The following CSMD1 variants were observed in gnomAD, a reference collection of about 807,000 sequenced individuals.
CSMD1 encodes CUB and Sushi multiple domains 1.
CSMD1 carries 213 observed loss-of-function variants against 417.5 expected under a neutral mutation model. The observed-to-expected ratio is 0.51, with a 90% CI of 0.46 to 0.57. The LOEUF (loss-of-function observed/expected upper bound fraction) is 0.57. Among genes scored for constraint, CSMD1 ranks in the 20% least tolerant of loss-of-function variants. The pLI is 0.00. For synonymous variants in CSMD1, 2,862 were observed against 1,736.8 expected, an observed-to-expected ratio of 1.65 and a Z score of -16.11; for missense variants, 6,923 against 4,529.7, an observed-to-expected ratio of 1.53 and a Z score of -15.17.
At chr8:4,671,797 C>A (rs904801154) in intron 1 of CSMD1, among the ~76,000 whole-genome samples, 2 of 152,134 alleles carry the variant, frequency 1.3e-5, no homozygotes, top group African/African-American at 4.8e-5. Context: ...CCAGGAGGCT[C>A]TCAGCCTGAA....
chr8:4,116,831 A>G (rs1802179916), intron 3 of CSMD1, among the ~76,000 whole-genome samples: 1 of 151,930 alleles, frequency 6.6e-6, no homozygotes, highest in Admixed American at 6.6e-5. Flanking sequence ...GGTCTATTAA[A>G]AAAAAACAAA....
chr8:3,182,532 G>C (rs968644971), intron 36 of CSMD1, among the ~76,000 whole-genome samples: 1 of 150,728 alleles, frequency 6.6e-6, no homozygotes, highest in Non-Finnish European at 1.5e-5. Flanking sequence ...GATTTGATCA[G>C]ACCAATAACC....
At chr8:3,451,108 G>A (rs150027448) in intron 12 of CSMD1, among the ~76,000 whole-genome samples, 14,772 of 152,216 alleles carry the variant, frequency 0.097, 863 homozygotes, top group East Asian at 0.25. Context: ...CTGCATAAAT[G>A]TCTTCTTTTG....
At chr8:4,888,435 T>G (rs2164901) in intron 1 of CSMD1, among the ~76,000 whole-genome samples, 2 of 151,774 alleles carry the variant, frequency 1.3e-5, no homozygotes, top group African/African-American at 4.8e-5. Context: ...ACACAACATA[T>G]GATATACATA....
chr8:3,559,810 G>A (rs75070654), intron 10 of CSMD1, among the ~76,000 whole-genome samples: 5,518 of 152,184 alleles, frequency 0.036, 258 homozygotes, highest in East Asian at 0.12. Flanking sequence ...GAGACAAACA[G>A]CTATGAGGGA....
intron 5 of CSMD1, among the ~76,000 whole-genome samples, chr8:3,756,728 C>T (rs1022167662): frequency 1.3e-5 from 2 of 152,256 alleles, no homozygotes; most frequent in South Asian, 4.1e-4. Context: ...TGTTTTGTTG[C>T]TGCTTTGAAC....
At chr8:4,514,384 G>T (rs1410267907) in intron 2 of CSMD1, among the ~76,000 whole-genome samples, 1 of 152,110 alleles carries the variant, frequency 6.6e-6, no homozygotes, top group Non-Finnish European at 1.5e-5. Flanking sequence ...ATTTTAGGGG[G>T]ACACAGGCAG....
intron 25 of CSMD1, among the ~76,000 whole-genome samples, chr8:3,289,705 C>T (rs1405706380): frequency 1.4e-5 from 2 of 146,972 alleles, no homozygotes; most frequent in African/African-American, 2.7e-5. Context: ...TGTTGGAGTT[C>T]ATTGTAGATT....
intron 3 of CSMD1, among the ~76,000 whole-genome samples, chr8:4,167,801 G>A (rs559564536): frequency 1.3e-5 from 2 of 152,026 alleles, no homozygotes; most frequent in African/African-American, 2.4e-5. Flanking sequence ...ACTAGCCTGG[G>A]CAACATACTC....
chr8:4,264,285 T>C (rs1050781311), intron 3 of CSMD1, among the ~76,000 whole-genome samples: 1 of 152,300 alleles, frequency 6.6e-6, no homozygotes, highest in Non-Finnish European at 1.5e-5. Flanking sequence ...TAGTAACACA[T>C]TATTGTACGT....
chr8:3,643,029 A>T (rs1797383505), intron 7 of CSMD1, among the ~76,000 whole-genome samples: 1 of 152,154 alleles, frequency 6.6e-6, no homozygotes, highest in East Asian at 1.9e-4. Flanking sequence ...AAAATGCAGC[A>T]CAGAGGAGGA....
At chr8:4,489,159 G>A (rs1402677878) in intron 2 of CSMD1, among the ~76,000 whole-genome samples, 3 of 152,104 alleles carry the variant, frequency 2.0e-5, no homozygotes, top group Non-Finnish European at 2.9e-5. Context: ...TGATCTACCT[G>A]CCTCGGCCTC....
At chr8:4,347,367 T>A (rs1800833015) in intron 3 of CSMD1, among the ~76,000 whole-genome samples, 1 of 152,182 alleles carries the variant, frequency 6.6e-6, no homozygotes, top group Non-Finnish European at 1.5e-5. Context: ...TACTCTCTGC[T>A]CTTTGATTTC....
At chr8:4,259,041 A>G (rs1803684218) in intron 3 of CSMD1, among the ~76,000 whole-genome samples, 2 of 152,190 alleles carry the variant, frequency 1.3e-5, no homozygotes, top group African/African-American at 4.8e-5. Context: ...TAAAGGAAAA[A>G]TTGTGCAAAG....
In CSMD1 at chr8:4,412,942, A is replaced by ATGAT. The variant is rs1288964782; in HGVS notation, c.415+7010_415+7011insATCA. ...AAAAGAAAAGTTGACGCCTCAGGTT[A>ATGAT]ACAGAACTTGTATCATCAATGGACA... On this transcript the variant is annotated intron_variant, in intron 3 of 69. Transcript: ENST00000635120. 2.2e-3 allele frequency among the ~76,000 whole-genome samples: 328 copies of ATGAT among 152,328 alleles called. 2 individuals carry two copies. Among genetic ancestry groups the ATGAT allele is most frequent in the African/African-American group, 7.7e-3 (321 of 41,572 alleles).
chr8:4,468,001 T>G (rs984601353), intron 2 of CSMD1, among the ~76,000 whole-genome samples: 6 of 152,192 alleles, frequency 3.9e-5, no homozygotes, highest in Admixed American at 6.5e-5. Flanking sequence ...AGCTGTAGAT[T>G]TGTGTAGTGA....
chr8:4,464,807 T>A (rs1563204296), intron 2 of CSMD1, among the ~76,000 whole-genome samples: 1 of 152,100 alleles, frequency 6.6e-6, no homozygotes, highest in Non-Finnish European at 1.5e-5. Flanking sequence ...GAAAACTGAT[T>A]CTCTTTGAAG....
chr8:4,026,108 T>A (rs575981669), intron 4 of CSMD1, among the ~76,000 whole-genome samples: 29 of 152,262 alleles, frequency 1.9e-4, no homozygotes, highest in African/African-American at 6.7e-4. Context: ...TTCGTGTGAA[T>A]TATCTCAGTC....
chr8:3,362,176 C>A (rs1809230794), intron 20 of CSMD1, among the ~76,000 whole-genome samples: 1 of 152,110 alleles, frequency 6.6e-6, no homozygotes, highest in African/African-American at 2.4e-5. Context: ...AACAAACTAA[C>A]AACACCAATC....
Sources: allele counts gnomAD v4.1 joint callset (sites outside exome capture counted in the v4.1 genomes callset), GRCh38; gene constraint gnomAD v4.1.1; transcripts MANE v1.5; gene names NCBI Gene and HGNC (gene_info 2026-07-23, HGNC 2026-07-21).